The following RBMXL1 variants were observed in gnomAD, a reference collection of about 807,000 sequenced individuals.
RBMXL1 encodes the protein RNA binding motif protein, X-linked-like-1.
A neutral mutation model predicts 29.0 loss-of-function variants in RBMXL1; 18 were observed. The ratio of observed to expected loss-of-function variants is 0.62; its 90% CI spans 0.43 to 0.92. The LOEUF (loss-of-function observed/expected upper bound fraction) is 0.92, where lower values mean the gene tolerates loss of function less well. Among genes scored for constraint, RBMXL1 ranks in the 40% least tolerant of loss-of-function variants. The pLI, the probability that RBMXL1 is intolerant of heterozygous loss-of-function variation, is 0.00. For missense variants in RBMXL1, 403 were observed against 495.8 expected, an observed-to-expected ratio of 0.81 and a Z score of 1.78; for synonymous variants, 141 against 170.4, an observed-to-expected ratio of 0.83 and a Z score of 1.34.
chr1:88,983,131 T>C lies in RBMXL1; in HGVS notation c.696A>G (p.Arg232=), dbSNP rs368695693. ...AATCTCGTGGTGGTGGTGCATAATC[T>C]CTTGTATCACGAGAACTTGGGTAAT... is the stretch of plus-strand genomic sequence containing the variant. The part of the protein sequence containing the change: ...SRDYPSSRDT[R]DYAPPPRDYT... The change falls in exon 3 of 3, where the codon AGA becomes AGG. Residue 232 remains arginine, a synonymous_variant. Coordinates refer to ENST00000652648, the MANE Select transcript of RBMXL1 (RefSeq NM_001162536.3). 6.2e-7 allele frequency: 1 copy of C among 1,612,430 alleles called. No individual in the cohort carries two copies. Among genetic ancestry groups the C allele is most frequent in the Non-Finnish European group, 8.5e-7 (1 of 1,180,008 alleles).
rs373483318 is a variant in RBMXL1, at chr1:88,982,644, T to C, written c.*10A>G. 5 of 1,579,228 alleles carry C rather than the reference T, an allele frequency of 3.2e-6. No individual in the cohort carries two copies. The African/African-American group carries it at 5.5e-5, about 17-fold the overall frequency. On this transcript the variant is annotated 3_prime_UTR_variant, in exon 3 of 3. Transcript: ENST00000652648. The stretch of plus-strand genomic sequence containing the variant: ...TGAACTGGGATTTTGGTCCAAAGTT[T>C]TGTTTGTTTCTAGTATCTGCTTCTG...
chr1:88,987,931 C>T (rs1438877019), intron 2 of RBMXL1, among the ~76,000 whole-genome samples: 2 of 152,088 alleles, frequency 1.3e-5, no homozygotes, highest in South Asian at 2.1e-4. Flanking sequence ...AAACCTTTTT[C>T]GATCCCTGAG....
chr1:88,986,189 AAAAAG>A (rs1027949961), intron 2 of RBMXL1, among the ~76,000 whole-genome samples: 4 of 149,274 alleles, frequency 2.7e-5, no homozygotes, highest in African/African-American at 9.8e-5. Flanking sequence ...ATGAAAAAAA[AAAAAG>A]AGAGAGAGAG....
chr1:88,983,169 A>G lies in RBMXL1; in HGVS notation c.658T>C (p.Tyr220His), dbSNP rs1203842978. The part of the protein sequence containing the change: ...RDDGYSTKDS[Y>H]SSRDYPSSRD... ...GAACTTGGGTAATCTCTGCTTGAAT[A>G]GCTGTCTTTAGTAGAATACCCATCA... Residue 220 changes from tyrosine to histidine, a missense_variant, in exon 3 of 3, where the codon TAT (tyrosine) becomes CAT (histidine). Physicochemically the swap from Tyr to His is moderately conservative, Grantham distance 83. Coordinates refer to ENST00000652648, the MANE Select transcript of RBMXL1 (RefSeq NM_001162536.3). 2 of 1,612,466 alleles carry G rather than the reference A, an allele frequency of 1.2e-6. No individual in the cohort carries two copies.
At position 88,982,716 on chromosome 1, in the gene RBMXL1, G is replaced by T. The variant is rs772829205; in HGVS notation, c.1111C>A (p.Pro371Thr). 7 of 1,613,860 alleles carry T rather than the reference G, an allele frequency of 4.3e-6. No homozygotes were observed. The South Asian group carries it at 7.7e-5, about 18-fold the overall frequency. Residue 371 changes from proline to threonine, a missense_variant, in exon 3 of 3, where the codon CCA (proline) becomes ACA (threonine). By Grantham distance (38) the Pro-to-Thr change is conservative (BLOSUM62 -1). Coordinates refer to ENST00000652648, the MANE Select transcript of RBMXL1 (RefSeq NM_001162536.3). Reference sequence around the variant, plus strand: ...CTTCCTCCAGGGCCAGCACCTCTTGGTGCTCCGCGGCTTGAACTGCTGTAG... The same window carrying T: ...CTTCCTCCAGGGCCAGCACCTCTTGTTGCTCCGCGGCTTGAACTGCTGTAG... ...DSYSSSSRGA[P>T]RGAGPGGSRS...
At chr1:88,989,381 G>A (rs1156808442) in intron 1 of RBMXL1, among the ~76,000 whole-genome samples, 1 of 152,152 alleles carries the variant, frequency 6.6e-6, no homozygotes, top group African/African-American at 2.4e-5. Flanking sequence ...CTTAAAAAAA[G>A]TTTCTATCTG....
rs745621525 is a variant in RBMXL1, at chr1:88,983,793, T to G, written c.34A>C (p.Ile12Leu). Residue 12 changes from isoleucine (I) to leucine (L), a missense_variant, in exon 3 of 3, where the codon ATT becomes CTT. Transcript: ENST00000652648. ...VEADRPGKLFIGGLNTETNEK... is the reference protein window; with the variant it reads ...VEADRPGKLFLGGLNTETNEK... The stretch of plus-strand genomic sequence containing the variant: ...TTTGTTTCCGTATTAAGCCCACCAA[T>G]GAAGAGCTTTCCTGGGCGATCTGCT... 6.2e-7 allele frequency: 1 copy of G among 1,614,016 alleles called. No homozygotes were observed. The highest frequency in any genetic ancestry group is 8.5e-7 in the Non-Finnish European group (1 of 1,179,864).
intron 1 of RBMXL1, among the ~76,000 whole-genome samples, chr1:88,991,858 C>G (rs1259933189): frequency 1.3e-5 from 2 of 152,204 alleles, no homozygotes; most frequent in Non-Finnish European, 1.5e-5. Context: ...GTGGGCGAAG[C>G]GAAGGAAGGA....
In RBMXL1 at chr1:88,982,784, A is replaced by G. The variant is rs1203603767; in HGVS notation, c.1043T>C (p.Leu348Pro). ...GTACCCCCTTTCTACAGAAGGGGGA[A>G]GCCCTCTTTCTTGTCTGCCAACCCT... ...CDRVGRQERG[L>P]PPSVERGYPS... The change falls in exon 3 of 3, where the codon CTT becomes CCT. Residue 348 changes from leucine to proline, a missense_variant. Transcript: ENST00000652648. The G allele has an allele frequency of 1.9e-6, 3 of 1,613,966 alleles. No individual in the cohort carries two copies. The highest frequency in any genetic ancestry group is 3.3e-5 in the Admixed American group (2 of 60,014).
intron 2 of RBMXL1, among the ~76,000 whole-genome samples, chr1:88,984,844 G>A (rs1387295291): frequency 1.3e-5 from 2 of 151,856 alleles, no homozygotes; most frequent in East Asian, 3.8e-4. Flanking sequence ...CCACCCTGTA[G>A]AAAAAACAGT....
intron 2 of RBMXL1, among the ~76,000 whole-genome samples, chr1:88,985,838 A>G (rs1677416887): frequency 6.6e-6 from 1 of 152,214 alleles, no homozygotes; most frequent in Admixed American, 6.5e-5. Context: ...GGAGGCAAAG[A>G]GATATTGGGT....
Position 88,982,177 on chromosome 1 carries a change from T to C in RBMXL1, c.*477A>G, listed in dbSNP as rs539298851. The C allele has an allele frequency of 4.4e-4, 385 of 875,502 alleles. No homozygotes were observed. The highest frequency in any genetic ancestry group is 6.7e-4 in the South Asian group (13 of 19,406). The allele number at this position is 875,502 out of a possible 1,614,324, so 54.2% of individuals were successfully genotyped here. A position where few individuals can be genotyped will look rare whatever the true frequency, so the allele number is the denominator to read the frequency against. ...GCATCTGATTTCAGGTTTTGCATACTGAGAACAGTGAGATTTCAGTTAGAA... is the reference window on the plus strand; with the variant it reads ...GCATCTGATTTCAGGTTTTGCATACCGAGAACAGTGAGATTTCAGTTAGAA... On this transcript the variant is annotated 3_prime_UTR_variant, in exon 3 of 3. Transcript: ENST00000652648.
rs1176707524 is a variant in RBMXL1 at position 88,988,331 on chromosome 1, C to T, written c.-320G>A. On this transcript the variant is annotated 5_prime_UTR_variant, in exon 2 of 3. Coordinates refer to ENST00000652648, the MANE Select transcript of RBMXL1 (RefSeq NM_001162536.3). ...TGCTCTACCGCTAAGAGAGCAGAGG[C>T]TCCTCTGGGCCAAAAACATGCTATT... The T allele has an allele frequency of 1.9e-6, 3 of 1,612,216 alleles. 1 individual carries two copies. The Admixed American group carries it at 5.0e-5, about 27-fold the overall frequency.
In RBMXL1 at chr1:88,980,298, G is replaced by GT. The variant is rs968359275; in HGVS notation, c.*2355dup. 7 of 152,604 alleles carry GT rather than the reference G, an allele frequency of 4.6e-5. No individual in the cohort carries two copies. The highest frequency in any genetic ancestry group is 1.7e-4 in the African/African-American group (7 of 41,426). 9.5% of individuals were successfully genotyped at this position (152,604 alleles called of 1,614,324 possible). On this transcript the variant is annotated 3_prime_UTR_variant, in exon 3 of 3. Transcript: ENST00000652648. Reference sequence around the variant, plus strand: ...TAATTCTAAACAGATACAGTTTACTGTAACTTGATAAAGCTGAATTTAAAA... The same window carrying GT: ...TAATTCTAAACAGATACAGTTTACTGTTAACTTGATAAAGCTGAATTTAAAA...
chr1:88,983,958 G>C lies in RBMXL1; in HGVS notation c.-132C>G, dbSNP rs1677281976. The stretch of plus-strand genomic sequence containing the variant: ...GGAGGACTGAACCGCGAAGCCGCTA[G>C]CACTACTGCGCAATCTGGATGCTTT... On this transcript the variant is annotated 5_prime_UTR_variant, in exon 3 of 3. Coordinates refer to ENST00000652648, the MANE Select transcript of RBMXL1 (RefSeq NM_001162536.3). 1 of 958,788 alleles carries C rather than the reference G, an allele frequency of 1.0e-6. No individual in the cohort carries two copies. The highest frequency in any genetic ancestry group is 1.6e-5 in the African/African-American group (1 of 61,098). 59.4% of individuals were successfully genotyped at this position (958,788 alleles called of 1,614,324 possible).
rs1236518218 is a variant in RBMXL1, at chr1:88,986,325, AATT to A, written c.-241+1924_-241+1926del. On this transcript the variant is annotated intron_variant, in intron 2 of 2. Coordinates refer to ENST00000652648, the MANE Select transcript of RBMXL1 (RefSeq NM_001162536.3). ...TTTTAGACTCTCTTAAAAAAAAAAA[AATT>A]AATAGACTATTTTAGGGCCAGGCGC... Among the ~76,000 whole-genome samples the A allele has an allele frequency of 2.6e-5, 4 of 151,264 alleles. No homozygotes were observed. The East Asian group carries it at 8.0e-4, about 30-fold the overall frequency.
At chr1:88,987,000 C>T (rs1677497182) in intron 2 of RBMXL1, among the ~76,000 whole-genome samples, 1 of 152,106 alleles carries the variant, frequency 6.6e-6, no homozygotes, top group Non-Finnish European at 1.5e-5. Flanking sequence ...ATAAAGCTAC[C>T]ACACAACCCA....
intron 2 of RBMXL1, among the ~76,000 whole-genome samples, chr1:88,985,239 G>C (rs914334825): frequency 2.6e-5 from 4 of 152,186 alleles, no homozygotes; most frequent in Non-Finnish European, 4.4e-5. Context: ...AAGGGAGTGC[G>C]TGAGTATTGT....
intron 1 of RBMXL1, among the ~76,000 whole-genome samples, chr1:88,990,302 A>C (rs12067760): frequency 0.076 from 10,682 of 141,134 alleles, 1,248 homozygotes; most frequent in African/African-American, 0.25. Context: ...AAACACAAAA[A>C]ATAAAACTCT....
Sources: gnomAD v4.1 joint callset for allele counts (sites outside exome capture counted in the v4.1 genomes callset) on GRCh38, gnomAD v4.1.1 for gene constraint, MANE v1.5 for transcripts, NCBI Gene and HGNC (gene_info 2026-07-23, HGNC 2026-07-21) for gene names.